Variants in TASP1 observed in about 807,000 individuals in gnomAD.
TASP1 encodes the protein taspase 1, also known as threonine aspartase 1.
Under a neutral mutation model 56.6 loss-of-function variants are expected in TASP1, and 16 were observed. That is an observed-to-expected ratio of 0.28 (90% CI 0.19 to 0.43). The LOEUF (loss-of-function observed/expected upper bound fraction) is 0.43, where lower values mean the gene tolerates loss of function less well. Ranked by LOEUF, TASP1 falls within the 20% of genes least tolerant of loss-of-function variation. The pLI is 1.00. For synonymous variants in TASP1, 179 were observed against 184.2 expected, an observed-to-expected ratio of 0.97 and a Z score of 0.23; for missense variants, 393 against 511.6, an observed-to-expected ratio of 0.77 and a Z score of 2.24.
At chr20:13,117,276 A>G in the TASP1 span, among the ~76,000 whole-genome samples, 2 of 152,234 alleles carry the variant, frequency 1.3e-5, no homozygotes, top group Non-Finnish European at 2.9e-5. Flanking sequence ...ATTAGCTGAA[A>G]CCAAAAGCAC....
At chr20:13,561,192 T>C (rs192272226) in intron 7 of TASP1, among the ~76,000 whole-genome samples, 1 of 152,286 alleles carries the variant, frequency 6.6e-6, no homozygotes, top group Admixed American at 6.5e-5. Context: ...GGACCTACCC[T>C]GCAAGAAATG....
the TASP1 span, among the ~76,000 whole-genome samples, chr20:13,132,171 ATTTTT>A: frequency 1.2e-4 from 13 of 104,004 alleles, no homozygotes; most frequent in Non-Finnish European, 2.2e-4. Context: ...CCTTGCTTTA[ATTTTT>A]TTTTTTTTTT....
chr20:13,580,992 A>AAT lies in TASP1; in HGVS notation c.404-12_404-11insAT, dbSNP rs765421193. On this transcript the variant is annotated splice_polypyrimidine_tract_variant and intron_variant, in intron 5 of 13. Coordinates refer to ENST00000337743, the MANE Select transcript of TASP1 (RefSeq NM_017714.3). ...CTGGGTTCTTGATTCCTATAAAAAA[A>AAT]AAAAAAAAATTGGCAAAAAAGATGT... The AAT allele has an allele frequency of 1.2e-6, 2 of 1,602,728 alleles. No individual in the cohort carries two copies. Among genetic ancestry groups the AAT allele is most frequent in the East Asian group, 2.2e-5 (1 of 44,802 alleles).
chr20:13,244,605 T>C, the TASP1 span, among the ~76,000 whole-genome samples: 1 of 152,230 alleles, frequency 6.6e-6, no homozygotes, highest in African/African-American at 2.4e-5. Context: ...TTATTCCAGT[T>C]CACAGGCATG....
chr20:13,220,106 G>A, the TASP1 span, among the ~76,000 whole-genome samples: 16 of 152,190 alleles, frequency 1.1e-4, no homozygotes, highest in Non-Finnish European at 1.3e-4. Context: ...GCGAACGCGT[G>A]GACTAGGTCT....
At chr20:13,409,544 G>A (rs968091346) in intron 13 of TASP1, among the ~76,000 whole-genome samples, 4 of 151,768 alleles carry the variant, frequency 2.6e-5, no homozygotes, top group African/African-American at 9.7e-5. Context: ...TTTCATTTTT[G>A]AAAATTATTT....
chr20:13,468,195 G>A lies in TASP1; in HGVS notation c.985+15032C>T, dbSNP rs150815308. ...AGTGGTTTAAATGACTAGAAATCTT[G>A]CTACTTAAAACAAACAAAGATACTC... On this transcript the variant is annotated intron_variant, in intron 11 of 13. Transcript: ENST00000337743. 4.6e-3 allele frequency among the ~76,000 whole-genome samples: 496 copies of A among 106,828 alleles called. 2 individuals are homozygous for A. Among genetic ancestry groups the A allele is most frequent in the East Asian group, 0.015 (60 of 3,952 alleles). The allele number at this position is 106,828 out of a possible 152,430, so 70.1% of individuals were successfully genotyped here. A position where few individuals can be genotyped will look rare whatever the true frequency, so the allele number is the denominator to read the frequency against.
the TASP1 span, among the ~76,000 whole-genome samples, chr20:13,106,082 G>T: frequency 6.6e-6 from 1 of 152,218 alleles, no homozygotes; most frequent in East Asian, 1.9e-4. Flanking sequence ...TCTTGGGAAC[G>T]TTCAAAAAAT....
intron 9 of TASP1, among the ~76,000 whole-genome samples, 169 bp from the exon 10 acceptor site, chr20:13,528,680 T>G (rs2045090137): frequency 6.6e-6 from 1 of 152,186 alleles, no homozygotes; most frequent in South Asian, 2.1e-4. Context: ...CTTTTAATAC[T>G]ATCAAAACTA....
the TASP1 span, chr20:13,159,860 C>A: frequency 1.7e-6 from 2 of 1,162,462 alleles, no homozygotes; most frequent in Non-Finnish European, 2.3e-6. Context: ...AGTTTAAAAA[C>A]TTCAATCATC....
At chr20:13,358,485 G>A in the TASP1 span, among the ~76,000 whole-genome samples, 3 of 152,044 alleles carry the variant, frequency 2.0e-5, no homozygotes, top group Non-Finnish European at 4.4e-5. Context: ...TCAGGTAGGC[G>A]GCCTCTTCTT....
chr20:13,433,354 G>A (rs1057368501), intron 12 of TASP1, among the ~76,000 whole-genome samples: 1 of 152,000 alleles, frequency 6.6e-6, no homozygotes, highest in Non-Finnish European at 1.5e-5. Flanking sequence ...ACCAGGTTGG[G>A]TTTAACTATC....
chr20:13,347,431 CT>C, the TASP1 span, among the ~76,000 whole-genome samples: 1 of 152,224 alleles, frequency 6.6e-6, no homozygotes. Flanking sequence ...GCCATAGGTC[CT>C]TTTCCTGCCC....
chr20:13,577,154 C>G (rs955723254), intron 6 of TASP1, among the ~76,000 whole-genome samples: 1 of 152,014 alleles, frequency 6.6e-6, no homozygotes, highest in African/African-American at 2.4e-5. Flanking sequence ...GTAGAAGGAA[C>G]AAGGAGTACA....
At chr20:13,360,920 G>T in the TASP1 span, among the ~76,000 whole-genome samples, 22 of 152,066 alleles carry the variant, frequency 1.4e-4, no homozygotes, top group African/African-American at 4.6e-4. Flanking sequence ...CCCAGATCAC[G>T]CTTGATTTAT....
chr20:13,596,689 G>A (rs1336848293), intron 4 of TASP1, among the ~76,000 whole-genome samples: 1 of 152,116 alleles, frequency 6.6e-6, no homozygotes, highest in East Asian at 1.9e-4. Context: ...GTTTAGAGCA[G>A]AACTGAAGGA....
At chr20:13,298,024 T>G in the TASP1 span, among the ~76,000 whole-genome samples, 1 of 152,154 alleles carries the variant, frequency 6.6e-6, no homozygotes, top group African/African-American at 2.4e-5. Context: ...CAAAACTGAG[T>G]CCTATAAATC....
At chr20:13,153,062 C>T in the TASP1 span, among the ~76,000 whole-genome samples, 7 of 152,286 alleles carry the variant, frequency 4.6e-5, no homozygotes, top group East Asian at 1.9e-4. Context: ...ACATTCCTGC[C>T]GAACAGCAAT....
At chr20:13,289,379 C>T in the TASP1 span, among the ~76,000 whole-genome samples, 1 of 152,260 alleles carries the variant, frequency 6.6e-6, no homozygotes, top group African/African-American at 2.4e-5. Flanking sequence ...AGAGAGTTGC[C>T]AAAGGCTCCC....
Sources: gnomAD v4.1 joint callset for allele counts (sites outside exome capture counted in the v4.1 genomes callset) on GRCh38, gnomAD v4.1.1 for gene constraint, MANE v1.5 for transcripts, NCBI Gene and HGNC (gene_info 2026-07-23, HGNC 2026-07-21) for gene names.